The following LRP1B variants were observed in gnomAD, a reference collection of about 807,000 sequenced individuals.
The protein encoded by LRP1B is LDL receptor related protein 1B.
A neutral mutation model predicts 556.6 loss-of-function variants in LRP1B; 217 were observed. The observed-to-expected ratio is 0.39, with a 90% CI of 0.35 to 0.44. The LOEUF is 0.44. Among genes scored for constraint, LRP1B ranks in the 20% least tolerant of loss-of-function variants. The pLI, the probability that LRP1B is intolerant of heterozygous loss-of-function variation, is 1.00. For missense variants in LRP1B, 5,053 were observed against 5,620.8 expected (o/e 0.90, Z 3.23); for synonymous variants, 2,047 against 1,865.8 (o/e 1.10, Z -2.50).
chr2:140,518,874 A>G (rs1224333258), intron 49 of LRP1B, among the ~76,000 whole-genome samples: 1 of 152,180 alleles, frequency 6.6e-6, no homozygotes, highest in Non-Finnish European at 1.5e-5. Flanking sequence ...CGTCATCTGC[A>G]AACACGGACA....
chr2:141,208,048 T>A (rs16845605), intron 6 of LRP1B: 1 of 152,196 alleles, frequency 6.6e-6, no homozygotes. Context: ...GTAGTATATA[T>A]AGGGCTTTCT....
intron 6 of LRP1B, among the ~76,000 whole-genome samples, chr2:141,225,862 G>C (rs972544338): frequency 6.6e-6 from 1 of 152,000 alleles, no homozygotes; most frequent in African/African-American, 2.4e-5. Flanking sequence ...GGCCTTTTCA[G>C]TGCTATAAAC....
At chr2:140,949,958 A>G (rs1290704626) in intron 20 of LRP1B, among the ~76,000 whole-genome samples, 4 of 86,932 alleles carry the variant, frequency 4.6e-5, no homozygotes, top group African/African-American at 7.0e-5. Flanking sequence ...AAAAAAAAAA[A>G]AAAAAAGAAA....
chr2:141,248,403 A>G (rs919062611), intron 4 of LRP1B, among the ~76,000 whole-genome samples: 6 of 152,304 alleles, frequency 3.9e-5, no homozygotes, highest in Middle Eastern at 3.4e-3. Flanking sequence ...GAGTTATGAT[A>G]GAAACAGGGA....
At chr2:142,115,632 T>TTATATATGTAATATATATTA (rs1553519004) in intron 1 of LRP1B, among the ~76,000 whole-genome samples, 2 of 18,018 alleles carry the variant, frequency 1.1e-4, no homozygotes, top group Non-Finnish European at 2.1e-4. Context: ...AATATATATA[T>TTATATATGTAATATATATTA]TATATATGTA....
At chr2:141,553,030 C>A (rs919671163) in intron 2 of LRP1B, among the ~76,000 whole-genome samples, 5 of 151,778 alleles carry the variant, frequency 3.3e-5, no homozygotes, top group African/African-American at 1.2e-4. Context: ...GGGATGATAA[C>A]TTTCCTTGGA....
chr2:140,368,444 A>G (rs1682858254), intron 71 of LRP1B, among the ~76,000 whole-genome samples: 1 of 151,806 alleles, frequency 6.6e-6, no homozygotes, highest in Admixed American at 6.6e-5. Context: ...TGTTGAGCTG[A>G]TAATTACTCA....
intron 2 of LRP1B, among the ~76,000 whole-genome samples, chr2:141,734,183 T>A (rs536766393): frequency 6.6e-6 from 1 of 152,242 alleles, no homozygotes; most frequent in East Asian, 1.9e-4. Context: ...CGAATTAATC[T>A]CTAGATTATC....
chr2:140,667,064 G>A (rs2105350670), intron 41 of LRP1B, among the ~76,000 whole-genome samples: 1 of 152,266 alleles, frequency 6.6e-6, no homozygotes, highest in African/African-American at 2.4e-5. Context: ...AAAATAAGGA[G>A]CTAGGAAAAA....
In LRP1B at chr2:142,028,995, T is replaced by G. The variant is rs1300366965; in HGVS notation, c.82+101653A>C. Among the ~76,000 whole-genome samples, 4 of 151,888 alleles carry G rather than the reference T, an allele frequency of 2.6e-5. No individual in the cohort carries two copies. The East Asian group carries it at 5.8e-4, about 22-fold the overall frequency. ...AAGTGATGTTCAAATCTTTGCCTGT[T>G]TTTTACTGGATTGCTTTCTTATTGT... On this transcript the variant is annotated intron_variant, in intron 1 of 90. Transcript: ENST00000389484.
At chr2:140,594,039 A>G (rs1014260357) in intron 43 of LRP1B, among the ~76,000 whole-genome samples, 1 of 151,818 alleles carries the variant, frequency 6.6e-6, no homozygotes, top group Admixed American at 6.6e-5. Flanking sequence ...GTGCAGTGAC[A>G]TGATGTCGGC....
At chr2:140,706,748 G>A (rs1413709131) in intron 37 of LRP1B, among the ~76,000 whole-genome samples, 3 of 152,016 alleles carry the variant, frequency 2.0e-5, no homozygotes, top group Non-Finnish European at 4.4e-5. Context: ...GACCCTGAAA[G>A]TTAATTGTAT....
intron 7 of LRP1B, among the ~76,000 whole-genome samples, chr2:141,114,592 G>T (rs1700833938): frequency 6.6e-6 from 1 of 152,134 alleles, no homozygotes; most frequent in Admixed American, 6.5e-5. Context: ...CGATCTGCCA[G>T]TGGAAGTTGG....
At chr2:140,289,196 G>A (rs1683277105) in intron 84 of LRP1B, among the ~76,000 whole-genome samples, 1 of 151,894 alleles carries the variant, frequency 6.6e-6, no homozygotes, top group African/African-American at 2.4e-5. Context: ...ACATGCTGCT[G>A]AAATTTCAAA....
chr2:141,246,230 G>A (rs1160220631), intron 5 of LRP1B, among the ~76,000 whole-genome samples: 3 of 152,260 alleles, frequency 2.0e-5, no homozygotes, highest in African/African-American at 7.2e-5. Flanking sequence ...TGACATTTTA[G>A]CTGAGACTCA....
At chr2:141,313,893 C>CT (rs1357726783) in intron 3 of LRP1B, among the ~76,000 whole-genome samples, 95 of 149,050 alleles carry the variant, frequency 6.4e-4, no homozygotes, top group African/African-American at 2.2e-3. Context: ...CACATCTATT[C>CT]TTTTCTCACC....
chr2:141,625,998 TTA>T (rs1425690219), intron 2 of LRP1B, among the ~76,000 whole-genome samples: 1 of 152,188 alleles, frequency 6.6e-6, no homozygotes, highest in African/African-American at 2.4e-5. Flanking sequence ...CTCCCTAATT[TTA>T]TGAGAAGATT....
chr2:140,972,984 CATAT>C (rs1696478676), intron 18 of LRP1B, among the ~76,000 whole-genome samples: 2 of 144,568 alleles, frequency 1.4e-5, no homozygotes, highest in African/African-American at 5.1e-5. Flanking sequence ...TATGTAAATA[CATAT>C]ATATTTACAT....
Position 140,552,476 on chromosome 2 carries a change from G to A in LRP1B, c.7195-10505C>T, listed in dbSNP as rs16844238. Among the ~76,000 whole-genome samples the A allele has an allele frequency of 9.1e-3, 1,385 of 152,142 alleles. 20 individuals carry two copies. The highest frequency in any genetic ancestry group is 0.031 in the African/African-American group (1,302 of 41,514). ...TAATTATGCACGTTGCCTTTGTAGG[G>A]TACAACAAGTTTCACTAAGAACTGA... On this transcript the variant is annotated intron_variant, in intron 43 of 90. Transcript: ENST00000389484.
Sources: gnomAD v4.1 joint callset for allele counts (sites outside exome capture counted in the v4.1 genomes callset) on GRCh38, gnomAD v4.1.1 for gene constraint, MANE v1.5 for transcripts, NCBI Gene and HGNC (gene_info 2026-07-23, HGNC 2026-07-21) for gene names.